SENP6: variants seen among roughly 807,000 people sequenced by gnomAD.
The protein encoded by SENP6 is SUMO specific peptidase 6, also known as sentrin-specific protease 6.
A neutral mutation model predicts 134.5 loss-of-function variants in SENP6; 41 were observed. That is an observed-to-expected ratio of 0.30 (90% confidence interval 0.24 to 0.40). The LOEUF is 0.40. SENP6 is among the 10% of genes least tolerant of loss of function. The probability of loss-of-function intolerance (pLI) is 1.00; values close to 1 mark genes in which losing one functional copy is unlikely to be tolerated. For missense variants in SENP6, 1,248 were observed against 1,312.5 expected (o/e 0.95, Z 0.76); for synonymous variants, 395 against 429.8 (o/e 0.92, Z 1.00).
chr6:75,675,388 C>T (rs1773008616), intron 11 of SENP6, 47 bp from the exon 12 acceptor site: 1 of 1,078,554 alleles, frequency 9.3e-7, no homozygotes, highest in Non-Finnish European at 1.4e-6. Context: ...GTGAAGCCTG[C>T]CTTTCTTTGT....
intron 1 of SENP6, chr6:75,611,376 TTCA>T (rs1245466383): frequency 6.6e-6 from 1 of 152,276 alleles, no homozygotes; most frequent in African/African-American, 2.4e-5. Context: ...CAGCTTCTCC[TTCA>T]CAAGTTTGGG....
rs913291433 is a variant in SENP6, at chr6:75,713,973, T to G, written c.3129+148T>G. The G allele has an allele frequency of 4.9e-6, 3 of 610,024 alleles. No homozygotes were observed. In the East Asian group the frequency reaches 8.7e-5, roughly 18 times the overall value. 37.8% of individuals were successfully genotyped at this position (610,024 alleles called of 1,614,324 possible). On this transcript the variant is annotated intron_variant, in intron 23 of 23. Transcript: ENST00000447266. ...ATTCCATGGAGCAAAAACTTCTAAA[T>G]GGAAGAACCTTCAAGGCATAAAAAT...
At chr6:75,618,856 A>G (rs1279033101) in intron 1 of SENP6, among the ~76,000 whole-genome samples, 2 of 152,122 alleles carry the variant, frequency 1.3e-5, no homozygotes, top group Non-Finnish European at 2.9e-5. Flanking sequence ...TTTCAATCCC[A>G]GTATACATGT....
chr6:75,670,410 AT>A (rs1281890425), intron 10 of SENP6, 142 bp from the exon 11 acceptor site: 12 of 521,168 alleles, frequency 2.3e-5, no homozygotes, highest in African/African-American at 3.8e-5. Flanking sequence ...ATGAATTTTA[AT>A]TTTATCTAAC....
At chr6:75,626,124 GT>G (rs753932099) in intron 3 of SENP6, among the ~76,000 whole-genome samples, 6 of 90,598 alleles carry the variant, frequency 6.6e-5, no homozygotes, top group African/African-American at 2.4e-4. Context: ...AGAGAGTTAG[GT>G]TTGTTGTTGT....
At position 75,658,623 on chromosome 6, in the gene SENP6, C is replaced by T. The variant is rs913536104; in HGVS notation, c.551-639C>T. On this transcript the variant is annotated intron_variant, in intron 7 of 23. Coordinates refer to ENST00000447266, the MANE Select transcript of SENP6 (RefSeq NM_015571.4). The stretch of plus-strand genomic sequence containing the variant: ...ATTATTAAATTTACATAAAAAATAT[C>T]GAGAAAAATTCTCTTGCGTGTTCCA... 4.6e-5 allele frequency among the ~76,000 whole-genome samples: 7 copies of T among 151,794 alleles called. 1 individual carries two copies. Among genetic ancestry groups the T allele is most frequent in the South Asian group, 4.1e-4 (2 of 4,824 alleles).
chr6:75,716,818 A>G lies in SENP6; in HGVS notation c.*1224A>G, dbSNP rs1230708880. On this transcript the variant is annotated 3_prime_UTR_variant, in exon 24 of 24. Coordinates refer to ENST00000447266, the MANE Select transcript of SENP6 (RefSeq NM_015571.4). ...TTTTAAATACACATATATCAAAAAT[A>G]GTTGAGAATAAAAAGAAAGCCTAAT... is the stretch of plus-strand genomic sequence containing the variant. The G allele has an allele frequency of 6.6e-6, 1 of 152,014 alleles. No individual in the cohort carries two copies. The highest frequency in any genetic ancestry group is 1.5e-5 in the Non-Finnish European group (1 of 67,856). The allele number at this position is 152,014 out of a possible 1,614,324, so 9.4% of individuals were successfully genotyped here. A position where few individuals can be genotyped will look rare whatever the true frequency, so the allele number is the denominator to read the frequency against.
intron 16 of SENP6, among the ~76,000 whole-genome samples, chr6:75,692,836 A>G (rs1774376067): frequency 1.3e-5 from 2 of 151,946 alleles, no homozygotes; most frequent in African/African-American, 2.4e-5. Flanking sequence ...CGCCAAGGCA[A>G]GCAGACCACC....
At chr6:75,655,633 AGTTT>A (rs1423773941) in intron 7 of SENP6, among the ~76,000 whole-genome samples, 1 of 152,138 alleles carries the variant, frequency 6.6e-6, no homozygotes, top group Non-Finnish European at 1.5e-5. Context: ...TTGCATCAAT[AGTTT>A]GTTTCTTTTT....
chr6:75,713,046 G>T (rs1291381650), intron 21 of SENP6, among the ~76,000 whole-genome samples: 2 of 152,092 alleles, frequency 1.3e-5, no homozygotes. Flanking sequence ...CATTGAAGCT[G>T]CAGTGAGCTG....
At chr6:75,701,873 C>T (rs1205449446) in intron 18 of SENP6, among the ~76,000 whole-genome samples, 2 of 152,006 alleles carry the variant, frequency 1.3e-5, no homozygotes, top group African/African-American at 4.8e-5. Context: ...CTCCTGAACT[C>T]AGGCAATCCA....
chr6:75,644,086 G>C (rs766813203), intron 6 of SENP6: 1 of 152,058 alleles, frequency 6.6e-6, no homozygotes, highest in Non-Finnish European at 1.5e-5. Flanking sequence ...AATTAAGAGT[G>C]CCCACTTCAA....
At chr6:75,633,519 G>T in intron 3 of SENP6, 62 bp from the exon 4 acceptor site, 5 of 1,381,882 alleles carry the variant, frequency 3.6e-6, no homozygotes, top group Non-Finnish European at 4.9e-6. Context: ...TTTTCAAATA[G>T]TTGTTGATAG....
intron 9 of SENP6, 122 bp from the exon 10 acceptor site, chr6:75,666,590 C>T (rs1772262827): frequency 2.5e-6 from 1 of 394,066 alleles, no homozygotes; most frequent in Non-Finnish European, 3.9e-6. Flanking sequence ...GGAGGAGGTC[C>T]AAAGCAAATT....
intron 3 of SENP6, among the ~76,000 whole-genome samples, chr6:75,628,411 G>C (rs541265501): frequency 6.6e-6 from 1 of 152,112 alleles, no homozygotes; most frequent in African/African-American, 2.4e-5. Flanking sequence ...GATCTAAAAA[G>C]TATTATTACA....
chr6:75,708,094 C>G (rs930148875), intron 19 of SENP6, among the ~76,000 whole-genome samples: 2 of 152,170 alleles, frequency 1.3e-5, no homozygotes, highest in South Asian at 2.1e-4. Flanking sequence ...GAGTCTTGCT[C>G]TATCACCCAG....
At chr6:75,631,245 A>G (rs1410340631) in intron 3 of SENP6, among the ~76,000 whole-genome samples, 3 of 152,218 alleles carry the variant, frequency 2.0e-5, no homozygotes, top group Non-Finnish European at 1.5e-5. Flanking sequence ...AACTTCCTGA[A>G]TATCAGTACT....
chr6:75,678,690 A>G lies in SENP6; in HGVS notation c.1956A>G (p.Glu652=). The stretch of plus-strand genomic sequence containing the variant: ...ACACCATCTTCATTGGCCCAGTAGA[A>G]AAGTGAGAGAATTCCTTTATATTTG... ...ENHTIFIGPV[E]KLIVYPPPPA... is the part of the protein sequence containing the mutation. Residue 652 remains glutamate (E), a splice_region_variant and synonymous_variant, in exon 15 of 24, where the codon GAA becomes GAG. Transcript: ENST00000447266. 1 of 1,544,244 alleles carries G rather than the reference A, an allele frequency of 6.5e-7. No individual in the cohort carries two copies. The highest frequency in any genetic ancestry group is 8.9e-7 in the Non-Finnish European group (1 of 1,121,470).
chr6:75,640,993 T>C (rs1200291788), intron 6 of SENP6, among the ~76,000 whole-genome samples: 3 of 152,172 alleles, frequency 2.0e-5, no homozygotes, highest in Non-Finnish European at 4.4e-5. Flanking sequence ...TTCTGGCTTT[T>C]TGAAAACATA....
Sources: allele counts gnomAD v4.1 joint callset (sites outside exome capture counted in the v4.1 genomes callset), GRCh38; gene constraint gnomAD v4.1.1; transcripts MANE v1.5; gene names NCBI Gene and HGNC (gene_info 2026-07-23, HGNC 2026-07-21).